RIPOR3: variants seen among roughly 807,000 people sequenced by gnomAD.
The protein encoded by RIPOR3 is RIPOR family member 3.
In RIPOR3, 95 loss-of-function variants were observed where a neutral mutation model predicts 114.3. That is an observed-to-expected ratio of 0.83 (90% confidence interval 0.70 to 0.99). The LOEUF (loss-of-function observed/expected upper bound fraction) is 0.99, where lower values mean the gene tolerates loss of function less well. Ranked by LOEUF, RIPOR3 falls within the 50% of genes least tolerant of loss-of-function variation. The probability of loss-of-function intolerance (pLI) is 0.00; values close to 1 mark genes in which losing one functional copy is unlikely to be tolerated. For missense variants in RIPOR3, 1,252 were observed against 1,266.9 expected (o/e 0.99, Z 0.18); for synonymous variants, 575 against 543.8 (o/e 1.06, Z -0.80).
chr20:50,642,677 C>T (rs1475021667), intron 1 of RIPOR3, among the ~76,000 whole-genome samples: 1 of 151,710 alleles, frequency 6.6e-6, no homozygotes, highest in African/African-American at 2.4e-5. Flanking sequence ...CCTGCCTCCA[C>T]CCCTGCTCGC....
At chr20:50,651,883 G>A (rs1489743253) in intron 1 of RIPOR3, among the ~76,000 whole-genome samples, 1 of 152,208 alleles carries the variant, frequency 6.6e-6, no homozygotes, top group Middle Eastern at 3.2e-3. Flanking sequence ...GGAGCTACAG[G>A]CCAATTAGGG....
chr20:50,649,629 A>G (rs114027933), intron 1 of RIPOR3, among the ~76,000 whole-genome samples: 3,146 of 151,874 alleles, frequency 0.021, 119 homozygotes, highest in African/African-American at 0.073. Flanking sequence ...CTGCCCAGGA[A>G]CTATTCTGAT....
At chr20:50,665,621 C>T (rs1043348783) in intron 1 of RIPOR3, among the ~76,000 whole-genome samples, 3 of 151,924 alleles carry the variant, frequency 2.0e-5, no homozygotes, top group African/African-American at 7.2e-5. Context: ...GGGGTTTCCT[C>T]ATGTTGGCCA....
chr20:50,646,142 T>C (rs566197335), intron 1 of RIPOR3, among the ~76,000 whole-genome samples: 1 of 151,912 alleles, frequency 6.6e-6, no homozygotes, highest in East Asian at 1.9e-4. Flanking sequence ...TATTTATTTA[T>C]TTATAGACAG....
chr20:50,689,635 A>G (rs996807777), intron 1 of RIPOR3, among the ~76,000 whole-genome samples: 1 of 152,164 alleles, frequency 6.6e-6, no homozygotes, highest in African/African-American at 2.4e-5. Context: ...AAGACGAGGA[A>G]GCTGAGAGAA....
At chr20:50,670,939 T>C (rs2086456143) in intron 1 of RIPOR3, among the ~76,000 whole-genome samples, 1 of 152,000 alleles carries the variant, frequency 6.6e-6, no homozygotes, top group African/African-American at 2.4e-5. Flanking sequence ...TTTATTTGAT[T>C]TATTTTGAGA....
At chr20:50,630,902 G>T (rs2426179) in intron 1 of RIPOR3, 46 bp from the exon 2 acceptor site, 11 of 1,490,376 alleles carry the variant, frequency 7.4e-6, no homozygotes, top group Non-Finnish European at 1.0e-5. Context: ...ACCATCCAGC[G>T]AGTGCCGTCC....
At chr20:50,619,416 G>A (rs1199785233) in intron 3 of RIPOR3, among the ~76,000 whole-genome samples, 5 of 151,200 alleles carry the variant, frequency 3.3e-5, no homozygotes, top group Admixed American at 3.3e-4. Context: ...ACTTGAGCCT[G>A]GGCAACAGAG....
At chr20:50,643,960 A>C (rs1289319341) in intron 1 of RIPOR3, among the ~76,000 whole-genome samples, 1 of 151,472 alleles carries the variant, frequency 6.6e-6, no homozygotes, top group Non-Finnish European at 1.5e-5. Context: ...TGATCCGCCC[A>C]CCTCAGCCTC....
intron 1 of RIPOR3, chr20:50,636,822 C>T (rs1056770510): frequency 1.0e-6 from 1 of 985,350 alleles, no homozygotes; most frequent in Non-Finnish European, 1.2e-6. Context: ...GCGTCTCCTC[C>T]CCACCGCCAG....
At chr20:50,630,676 T>C in intron 2 of RIPOR3, 62 bp downstream of exon 2, 1 of 1,417,182 alleles carries the variant, frequency 7.1e-7, no homozygotes, top group Non-Finnish European at 9.6e-7. Flanking sequence ...GACCCTGCCC[T>C]TCCCCAGCCC....
chr20:50,691,085 G>A lies in RIPOR3; in HGVS notation c.3+41C>T, dbSNP rs1005957340. On this transcript the variant is annotated intron_variant, in intron 1 of 21. Transcript: ENST00000327979. Reference sequence around the variant, plus strand: ...CTCCAGAAGTCTGTCCACACAAGGCGGCGTCACGGCACACATGGGGAGCAG... The same window carrying A: ...CTCCAGAAGTCTGTCCACACAAGGCAGCGTCACGGCACACATGGGGAGCAG... The A allele has an allele frequency of 2.3e-6, 3 of 1,289,326 alleles. No homozygotes were observed. In the African/African-American group the frequency reaches 4.6e-5, roughly 20 times the overall value. The allele number at this position is 1,289,326 out of a possible 1,614,324, so 79.9% of individuals were successfully genotyped here.
chr20:50,638,509 T>A (rs1425051069), intron 1 of RIPOR3, among the ~76,000 whole-genome samples: 2 of 152,172 alleles, frequency 1.3e-5, no homozygotes, highest in Non-Finnish European at 2.9e-5. Context: ...CATCACTGCC[T>A]CGTCACCACT....
intron 1 of RIPOR3, among the ~76,000 whole-genome samples, chr20:50,643,976 G>C (rs2085298576): frequency 6.6e-6 from 1 of 151,666 alleles, no homozygotes; most frequent in South Asian, 2.1e-4. Flanking sequence ...GCCTCCCAAG[G>C]TGCTGGGATT....
intron 1 of RIPOR3, among the ~76,000 whole-genome samples, chr20:50,680,470 A>G (rs1466580211): frequency 6.6e-6 from 1 of 152,260 alleles, no homozygotes; most frequent in Non-Finnish European, 1.5e-5. Flanking sequence ...CTCAAGCAGA[A>G]CTAATTGGCA....
At chr20:50,669,334 C>T (rs553821199) in intron 1 of RIPOR3, among the ~76,000 whole-genome samples, 26 of 152,312 alleles carry the variant, frequency 1.7e-4, no homozygotes, top group Non-Finnish European at 1.9e-4. Flanking sequence ...ACTTTTACCA[C>T]GATTGTGACT....
intron 1 of RIPOR3, among the ~76,000 whole-genome samples, chr20:50,688,799 C>T (rs981941346): frequency 3.3e-5 from 5 of 152,058 alleles, no homozygotes; most frequent in Non-Finnish European, 7.3e-5. Flanking sequence ...AAAGAGGAAG[C>T]AGGAAGGATG....
At position 50,594,601 on chromosome 20, in the gene RIPOR3, T is replaced by A. The variant is rs781330035; in HGVS notation, c.2164A>T (p.Thr722Ser). ...ATTLLNQLKK[T>S]FQHRVRGKYP... ...TTCCCTCTGACTCTGTGCTGGAAGG[T>A]TTTCTTGAGCTGGTTCAGCAGCGTC... Residue 722 changes from threonine to serine, a missense_variant, in exon 17 of 22, where the codon ACC becomes TCC. Thr to Ser is a moderately conservative substitution (Grantham distance 58). Transcript: ENST00000327979. The A allele has an allele frequency of 6.2e-7, 1 of 1,613,966 alleles. No homozygotes were observed. Among genetic ancestry groups the A allele is most frequent in the South Asian group, 1.1e-5 (1 of 91,066 alleles).
chr20:50,691,259 AT>A lies in RIPOR3; in HGVS notation c.-132del. On this transcript the variant is annotated 5_prime_UTR_variant, in exon 1 of 22. It removes the in-frame stop codon of an upstream open reading frame in the 5' UTR. Coordinates refer to ENST00000327979, the MANE Select transcript of RIPOR3 (RefSeq NM_001290268.2). ...CCGGACTCGAGCTAGGGCTCTGCAA[AT>A]TCCATCCACACTGGCCACCAGCCGC... The A allele has an allele frequency of 8.4e-7, 1 of 1,196,710 alleles. No homozygotes were observed. Among genetic ancestry groups the A allele is most frequent in the Non-Finnish European group, 1.1e-6 (1 of 908,830 alleles). The allele number at this position is 1,196,710 out of a possible 1,614,324, so 74.1% of individuals were successfully genotyped here.
Sources: gnomAD v4.1 joint callset for allele counts (sites outside exome capture counted in the v4.1 genomes callset) on GRCh38, gnomAD v4.1.1 for gene constraint, MANE v1.5 for transcripts, NCBI Gene and HGNC (gene_info 2026-07-23, HGNC 2026-07-21) for gene names.